Variants in KLHL29 observed in about 807,000 individuals in gnomAD.
KLHL29 encodes kelch-like protein 29.
Under a neutral mutation model 80.4 loss-of-function variants are expected in KLHL29, and 21 were observed. The ratio of observed to expected loss-of-function variants is 0.26; its 90% confidence interval spans 0.19 to 0.38. KLHL29 has a LOEUF of 0.38. Among genes scored for constraint, KLHL29 ranks in the 10% least tolerant of loss-of-function variants. The pLI is 1.00. For missense variants in KLHL29, 867 were observed against 1,223.9 expected, an observed-to-expected ratio of 0.71 and a Z score of 4.35; for synonymous variants, 511 against 526.8, an observed-to-expected ratio of 0.97 and a Z score of 0.41.
At chr2:23,555,038 G>A (rs1407316674) in intron 2 of KLHL29, among the ~76,000 whole-genome samples, 2 of 152,142 alleles carry the variant, frequency 1.3e-5, no homozygotes, top group Non-Finnish European at 2.9e-5. Context: ...TTGAGCCACA[G>A]GGAGAAGCTC....
chr2:23,529,862 C>G (rs1405073750), intron 2 of KLHL29, among the ~76,000 whole-genome samples: 1 of 152,200 alleles, frequency 6.6e-6, no homozygotes, highest in East Asian at 1.9e-4. Flanking sequence ...ATGACAAAGG[C>G]TTGCCCGTTG....
intron 11 of KLHL29, among the ~76,000 whole-genome samples, 159 bp from the exon 12 acceptor site, chr2:23,703,027 G>C (rs992503401): frequency 2.0e-5 from 3 of 152,256 alleles, no homozygotes; most frequent in Admixed American, 6.5e-5. Context: ...AGGAGGTCTT[G>C]AGTGTCTCAT....
At chr2:23,585,430 C>G (rs1668093551) in intron 3 of KLHL29, among the ~76,000 whole-genome samples, 1 of 152,156 alleles carries the variant, frequency 6.6e-6, no homozygotes, top group Non-Finnish European at 1.5e-5. Flanking sequence ...TTCTGTGCCA[C>G]CAGGCCCTGT....
intron 1 of KLHL29, among the ~76,000 whole-genome samples, chr2:23,443,564 C>T (rs1413612409): frequency 6.6e-6 from 1 of 152,188 alleles, no homozygotes; most frequent in Non-Finnish European, 1.5e-5. Context: ...CCACATAGTA[C>T]ATTTGCCCAG....
intron 1 of KLHL29, among the ~76,000 whole-genome samples, chr2:23,449,821 T>A (rs1238762810): frequency 6.6e-6 from 1 of 152,160 alleles, no homozygotes; most frequent in Non-Finnish European, 1.5e-5. Flanking sequence ...ATAGCTTGGA[T>A]GAGAGGCGTG....
chr2:23,639,413 A>AG, intron 4 of KLHL29, 133 bp downstream of exon 4: 1 of 796,902 alleles, frequency 1.3e-6, no homozygotes, highest in Non-Finnish European at 2.0e-6. Context: ...CCTCAGGTTC[A>AG]GGGGGCAAAG....
intron 2 of KLHL29, among the ~76,000 whole-genome samples, chr2:23,556,814 CTGTCTCT>C (rs1443768689): frequency 6.6e-6 from 1 of 152,240 alleles, no homozygotes; most frequent in Non-Finnish European, 1.5e-5. Context: ...TAGCACCAAA[CTGTCTCT>C]ACCCTGCACC....
At chr2:23,629,372 CTTTT>C (rs112358380) in intron 3 of KLHL29, among the ~76,000 whole-genome samples, 1 of 144,950 alleles carries the variant, frequency 6.9e-6, no homozygotes, top group African/African-American at 2.5e-5. Context: ...TTGTGATGGG[CTTTT>C]TTTTTTTTCT....
chr2:23,659,603 C>T (rs1046763459), intron 5 of KLHL29, among the ~76,000 whole-genome samples: 2 of 152,190 alleles, frequency 1.3e-5, no homozygotes, highest in Non-Finnish European at 2.9e-5. Context: ...GTTCAGCTCC[C>T]GCTTCCCCCA....
At chr2:23,469,299 T>C (rs115507569) in intron 1 of KLHL29, among the ~76,000 whole-genome samples, 2,333 of 152,330 alleles carry the variant, frequency 0.015, 65 homozygotes, top group African/African-American at 0.053. Flanking sequence ...AAAAGGCTAC[T>C]GTGTGTTGCT....
intron 3 of KLHL29, among the ~76,000 whole-genome samples, chr2:23,626,103 G>C (rs1378395099): frequency 2.0e-5 from 3 of 152,054 alleles, no homozygotes; most frequent in Non-Finnish European, 4.4e-5. Flanking sequence ...GGAGGAGTTG[G>C]GGGGGCAGTT....
chr2:23,538,685 T>A (rs1199840434), intron 2 of KLHL29, among the ~76,000 whole-genome samples: 1 of 152,246 alleles, frequency 6.6e-6, no homozygotes, highest in Non-Finnish European at 1.5e-5. Flanking sequence ...TTTGTGACAG[T>A]GTAACAATTT....
chr2:23,461,543 G>A (rs1040170975), intron 1 of KLHL29, among the ~76,000 whole-genome samples: 10 of 152,126 alleles, frequency 6.6e-5, no homozygotes, highest in Non-Finnish European at 1.5e-4. Context: ...ATGCCCTATC[G>A]ACAGAGAAAC....
chr2:23,451,976 A>T (rs1271083314), intron 1 of KLHL29, among the ~76,000 whole-genome samples: 1 of 151,890 alleles, frequency 6.6e-6, no homozygotes, highest in Non-Finnish European at 1.5e-5. Flanking sequence ...CTGTCACATG[A>T]CGAGAGGGGG....
At chr2:23,464,324 A>T (rs1664292444) in intron 1 of KLHL29, among the ~76,000 whole-genome samples, 1 of 152,136 alleles carries the variant, frequency 6.6e-6, no homozygotes. Flanking sequence ...ACCACTTGGG[A>T]CAGACGTGAA....
intron 2 of KLHL29, among the ~76,000 whole-genome samples, chr2:23,554,918 A>G (rs1667245375): frequency 6.6e-6 from 1 of 152,164 alleles, no homozygotes; most frequent in East Asian, 1.9e-4. Context: ...GCTGGTGAGC[A>G]ATTAGAAACA....
intron 3 of KLHL29, among the ~76,000 whole-genome samples, chr2:23,586,440 A>C (rs967482007): frequency 1.4e-5 from 2 of 144,830 alleles, no homozygotes; most frequent in Non-Finnish European, 3.0e-5. Context: ...GCTCACTGCA[A>C]CCTCCATGTC....
At chr2:23,420,586 C>T (rs1310577802) in intron 1 of KLHL29, among the ~76,000 whole-genome samples, 1 of 152,154 alleles carries the variant, frequency 6.6e-6, no homozygotes, top group Non-Finnish European at 1.5e-5. Flanking sequence ...ACTGATAGAT[C>T]GTGTGTATTT....
intron 1 of KLHL29, among the ~76,000 whole-genome samples, chr2:23,396,834 G>A (rs974925507): frequency 2.0e-5 from 3 of 152,234 alleles, no homozygotes; most frequent in Admixed American, 6.5e-5. Flanking sequence ...GGCTTCATAT[G>A]ATGTGGGGAA....
Sources: allele counts gnomAD v4.1 joint callset (sites outside exome capture counted in the v4.1 genomes callset), GRCh38; gene constraint gnomAD v4.1.1; transcripts MANE v1.5; gene names NCBI Gene and HGNC (gene_info 2026-07-23, HGNC 2026-07-21).